The following PTPN4 variants were observed in gnomAD, a reference collection of about 807,000 sequenced individuals.
The protein encoded by PTPN4 is protein tyrosine phosphatase non-receptor type 4.
Under a neutral mutation model 135.5 loss-of-function variants are expected in PTPN4, and 49 were observed. The ratio of observed to expected loss-of-function variants is 0.36; its 90% confidence interval spans 0.29 to 0.46. The LOEUF is 0.46. PTPN4 is among the 20% of genes least tolerant of loss of function. The pLI is 1.00. For synonymous variants in PTPN4, 333 were observed against 369.9 expected (o/e 0.90, Z 1.14); for missense variants, 860 against 1,101.0 (o/e 0.78, Z 3.10).
intron 14 of PTPN4, among the ~76,000 whole-genome samples, chr2:119,933,723 T>TA (rs1417246449): frequency 2.7e-5 from 4 of 150,612 alleles, no homozygotes; most frequent in Admixed American, 6.6e-5. Flanking sequence ...AGCTGAAGAA[T>TA]AAAGTTCTAC....
rs78545941 is a variant in PTPN4 at position 119,771,908 on chromosome 2, T to C, written c.-18+11524T>C. 3.8e-3 allele frequency among the ~76,000 whole-genome samples: 577 copies of C among 152,336 alleles called. 1 individual carries two copies. The highest frequency in any genetic ancestry group is 6.5e-3 in the Non-Finnish European group (440 of 68,022). ...TTGCCCTTTATAATCTCCTTTACAC[T>C]GTAGCCAGAGTGATCTGACATTCAT... On this transcript the variant is annotated intron_variant, in intron 1 of 26. Transcript: ENST00000263708.
intron 3 of PTPN4, among the ~76,000 whole-genome samples, chr2:119,876,600 T>C (rs917982750): frequency 1.3e-5 from 2 of 152,172 alleles, no homozygotes; most frequent in African/African-American, 4.8e-5. Flanking sequence ...TTGGGTTCTT[T>C]GATTTTTTTT....
At chr2:119,957,284 A>G (rs1262859381) in intron 22 of PTPN4, among the ~76,000 whole-genome samples, 1 of 152,220 alleles carries the variant, frequency 6.6e-6, no homozygotes, top group Non-Finnish European at 1.5e-5. Flanking sequence ...CCAGTTCATA[A>G]ATAGACTTAG....
chr2:119,814,026 G>A (rs540532100), intron 2 of PTPN4, among the ~76,000 whole-genome samples: 15 of 152,100 alleles, frequency 9.9e-5, no homozygotes, highest in African/African-American at 3.1e-4. Flanking sequence ...AAATGTATAT[G>A]TGTGTGTATG....
intron 1 of PTPN4, among the ~76,000 whole-genome samples, chr2:119,794,010 A>ATTTTTGT (rs1300034698): frequency 1.3e-5 from 2 of 150,914 alleles, no homozygotes; most frequent in African/African-American, 4.9e-5. Flanking sequence ...TGCCTAGCTA[A>ATTTTTGT]TTTTTGTTTT....
chr2:119,862,650 G>GT lies in PTPN4; in HGVS notation c.246+8dup. 1 of 1,586,298 alleles carries GT rather than the reference G, an allele frequency of 6.3e-7. No homozygotes were observed. Among genetic ancestry groups the GT allele is most frequent in the South Asian group, 1.1e-5 (1 of 88,658 alleles). ...TGATTCCACAGATAACCCAGTAAGT[G>GT]TAAGATTTTGTCTTTCATTTTCATT... On this transcript the variant is annotated splice_region_variant and intron_variant, in intron 3 of 26. Coordinates refer to ENST00000263708, the MANE Select transcript of PTPN4 (RefSeq NM_002830.4).
intron 26 of PTPN4, among the ~76,000 whole-genome samples, chr2:119,974,440 C>T (rs955468428): frequency 6.6e-6 from 1 of 152,034 alleles, no homozygotes; most frequent in African/African-American, 2.4e-5. Flanking sequence ...AACTTCTGAC[C>T]TCAGGTGATC....
At chr2:119,776,541 G>C (rs6711437) in intron 1 of PTPN4, among the ~76,000 whole-genome samples, 3,838 of 152,198 alleles carry the variant, frequency 0.025, 160 homozygotes, top group African/African-American at 0.087. Context: ...TTTCTGTAAA[G>C]TTACGTGGAG....
chr2:119,945,306 T>C (rs957423782), intron 16 of PTPN4, 66 bp downstream of exon 16: 1 of 1,426,986 alleles, frequency 7.0e-7, no homozygotes, highest in Admixed American at 2.6e-5. Flanking sequence ...GAAATTTCTT[T>C]TGTACTTTGG....
At chr2:119,943,062 G>T (rs1679082634) in intron 15 of PTPN4, among the ~76,000 whole-genome samples, 2 of 152,174 alleles carry the variant, frequency 1.3e-5, no homozygotes, top group African/African-American at 4.8e-5. Context: ...AGACATCTAG[G>T]CTAAGTGGGC....
chr2:119,974,587 C>A (rs1305654701), intron 26 of PTPN4, among the ~76,000 whole-genome samples: 2 of 152,126 alleles, frequency 1.3e-5, no homozygotes, highest in African/African-American at 4.8e-5. Flanking sequence ...CTTCTGAGTC[C>A]TTTTGTCAAG....
At chr2:119,849,202 C>T (rs975958890) in intron 2 of PTPN4, among the ~76,000 whole-genome samples, 1 of 152,208 alleles carries the variant, frequency 6.6e-6, no homozygotes. Flanking sequence ...TAGGCCCTCT[C>T]ACGAGCAGTT....
chr2:119,933,381 A>G lies in PTPN4; in HGVS notation c.1196+832A>G, dbSNP rs180788820. The stretch of plus-strand genomic sequence containing the variant: ...ACACATTAATGTTTAATAAATTTGT[A>G]TAAAATTCTAAACGTGGCTGGGTGC... On this transcript the variant is annotated intron_variant, in intron 14 of 26. Coordinates refer to ENST00000263708, the MANE Select transcript of PTPN4 (RefSeq NM_002830.4). Among the ~76,000 whole-genome samples the G allele has an allele frequency of 7.2e-3, 1,093 of 152,300 alleles. 9 individuals carry two copies. Among genetic ancestry groups the G allele is most frequent in the Non-Finnish European group, 9.4e-3 (637 of 68,038 alleles).
chr2:119,825,591 G>T (rs1431900228), intron 2 of PTPN4, among the ~76,000 whole-genome samples: 1 of 151,280 alleles, frequency 6.6e-6, no homozygotes, highest in Non-Finnish European at 1.5e-5. Context: ...CACCTCCCAG[G>T]TTCAGGCAAT....
chr2:119,879,091 TGA>T (rs1678031124), intron 5 of PTPN4, among the ~76,000 whole-genome samples: 1 of 116,002 alleles, frequency 8.6e-6, no homozygotes, highest in South Asian at 2.8e-4. Flanking sequence ...AGACTCCGTC[TGA>T]AAAAAAAAAA....
intron 2 of PTPN4, among the ~76,000 whole-genome samples, chr2:119,837,294 G>C (rs562739982): frequency 6.6e-6 from 1 of 152,212 alleles, no homozygotes; most frequent in South Asian, 2.1e-4. Flanking sequence ...GAGGCAATCT[G>C]TCTGTGGGAA....
At chr2:119,889,525 G>A (rs1281597913) in intron 9 of PTPN4, among the ~76,000 whole-genome samples, 1 of 152,090 alleles carries the variant, frequency 6.6e-6, no homozygotes, top group African/African-American at 2.4e-5. Flanking sequence ...TGTCTTCTTG[G>A]TTAGTCTAGC....
intron 2 of PTPN4, among the ~76,000 whole-genome samples, chr2:119,846,149 G>C (rs907075935): frequency 5.9e-5 from 9 of 152,216 alleles, no homozygotes; most frequent in African/African-American, 2.2e-4. Context: ...CACTTGAGAA[G>C]AATGCCCATT....
intron 8 of PTPN4, among the ~76,000 whole-genome samples, chr2:119,884,370 G>T (rs540333716): frequency 3.3e-5 from 5 of 152,274 alleles, no homozygotes; most frequent in African/African-American, 1.2e-4. Flanking sequence ...TTTATATGTT[G>T]TCTATGGCTG....
Sources: gnomAD v4.1 joint callset for allele counts (sites outside exome capture counted in the v4.1 genomes callset) on GRCh38, gnomAD v4.1.1 for gene constraint, MANE v1.5 for transcripts, NCBI Gene and HGNC (gene_info 2026-07-23, HGNC 2026-07-21) for gene names.